The following MDGA2 variants were observed in gnomAD, a reference collection of about 807,000 sequenced individuals.
The protein encoded by MDGA2 is MAM domain containing glycosylphosphatidylinositol anchor 2.
A neutral mutation model predicts 117.8 loss-of-function variants in MDGA2; 40 were observed. The ratio of observed to expected loss-of-function variants is 0.34; its 90% CI spans 0.26 to 0.44. The LOEUF (loss-of-function observed/expected upper bound fraction) is 0.44, where lower values mean the gene tolerates loss of function less well. Ranked by LOEUF, MDGA2 falls within the 20% of genes least tolerant of loss-of-function variation. The probability of loss-of-function intolerance (pLI) is 1.00; values close to 1 mark genes in which losing one functional copy is unlikely to be tolerated. For synonymous variants in MDGA2, 452 were observed against 439.0 expected (o/e 1.03, Z -0.37); for missense variants, 1,123 against 1,250.6 (o/e 0.90, Z 1.54).
chr14:47,013,872 C>G (rs1296325651), intron 8 of MDGA2, among the ~76,000 whole-genome samples: 1 of 147,948 alleles, frequency 6.8e-6, no homozygotes, highest in Non-Finnish European at 1.5e-5. Flanking sequence ...TCTCAGCTCA[C>G]TGCACCTCCG....
chr14:47,598,252 GA>G (rs1364849247), intron 1 of MDGA2, among the ~76,000 whole-genome samples: 1 of 152,144 alleles, frequency 6.6e-6, no homozygotes, highest in Non-Finnish European at 1.5e-5. Context: ...AGCTGCTGTG[GA>G]AAACAGTCTG....
Position 46,957,686 on chromosome 14 carries a change from C to A in MDGA2, c.1820-43G>T, listed in dbSNP as rs1566545019. On this transcript the variant is annotated intron_variant, in intron 8 of 16. Transcript: ENST00000399232. ...AAAAACAGATGAAAGATGTGACTTG[C>A]AATAAGCCAAAAGCTACTCTTATTA... The A allele has an allele frequency of 4.4e-6, 7 of 1,605,880 alleles. No homozygotes were observed. The South Asian group carries it at 6.6e-5, about 15-fold the overall frequency.
intron 5 of MDGA2, among the ~76,000 whole-genome samples, chr14:47,110,760 T>C (rs1880993213): frequency 6.6e-6 from 1 of 152,204 alleles, no homozygotes; most frequent in Admixed American, 6.5e-5. Flanking sequence ...AGCAAGTTTT[T>C]ATCATGATTA....
chr14:47,593,824 A>T (rs1342889773), intron 1 of MDGA2, among the ~76,000 whole-genome samples: 1 of 152,150 alleles, frequency 6.6e-6, no homozygotes, highest in Non-Finnish European at 1.5e-5. Context: ...ACCATGGCAC[A>T]CGTTTACCTA....
chr14:47,125,244 T>C (rs980437717), intron 5 of MDGA2, among the ~76,000 whole-genome samples: 1 of 152,118 alleles, frequency 6.6e-6, no homozygotes, highest in South Asian at 2.1e-4. Flanking sequence ...TCTATGACCA[T>C]AGGTGTAGCA....
rs1422462883 is a variant in MDGA2, at chr14:46,855,112, A to G, written c.2795T>C (p.Ile932Thr). ...VYLRLKGQTT[I>T]ENPLWSSSGN... ...ACTTGAAGACCACAGTGGATTCTCT[A>G]TTGTTGTTTGCCCTTTCAAACGTAG... is the stretch of plus-strand genomic sequence containing the variant. Residue 932 changes from isoleucine (I) to threonine (T), a missense_variant, in exon 15 of 17, where the codon ATA becomes ACA. By Grantham distance (89) the Ile-to-Thr change is moderately conservative. Around this residue, in one of 2 missense-constraint regions of MDGA2, gnomAD observed 890 missense variants for 1,050.3 expected, o/e 0.85. Transcript: ENST00000399232. This position sits in a 1 kb window ranked among gnomAD's most constrained non-coding sequence, Gnocchi z 4.1. 2.5e-6 allele frequency: 4 copies of G among 1,610,870 alleles called. No individual in the cohort carries two copies. The highest frequency in any genetic ancestry group is 1.7e-5 in the Admixed American group (1 of 59,672).
At chr14:46,999,733 C>A (rs1488975413) in intron 8 of MDGA2, among the ~76,000 whole-genome samples, 1 of 152,044 alleles carries the variant, frequency 6.6e-6, no homozygotes, top group African/African-American at 2.4e-5. Context: ...ACTCCTCCAC[C>A]CCCTTTTCTC....
At chr14:47,482,923 A>C (rs866632353) in intron 1 of MDGA2, among the ~76,000 whole-genome samples, 1 of 151,178 alleles carries the variant, frequency 6.6e-6, no homozygotes, top group Non-Finnish European at 1.5e-5. Context: ...AAAAGAGAAA[A>C]GGAAGGAAAG....
chr14:47,431,016 T>C (rs1291963724), intron 1 of MDGA2, among the ~76,000 whole-genome samples: 1 of 152,192 alleles, frequency 6.6e-6, no homozygotes, highest in East Asian at 1.9e-4. Context: ...TTATAGTTTT[T>C]ATGTCATTAT....
At chr14:47,305,913 G>A (rs1054101667) in intron 1 of MDGA2, among the ~76,000 whole-genome samples, 5 of 152,222 alleles carry the variant, frequency 3.3e-5, no homozygotes, top group African/African-American at 1.2e-4. Flanking sequence ...CCTAAGTTTG[G>A]AGAGATGCTC....
At chr14:47,199,172 T>A (rs1885398834) in intron 3 of MDGA2, among the ~76,000 whole-genome samples, 2 of 151,758 alleles carry the variant, frequency 1.3e-5, no homozygotes, top group African/African-American at 4.8e-5. Context: ...TTAAAATAAA[T>A]CTCCTCCTCT....
Position 47,002,461 on chromosome 14 carries a change from C to T in MDGA2, c.1819+32550G>A, listed in dbSNP as rs545503136. ...AAAATTTTTAGGCCAGGCACAGTGG[C>T]TCACGCCTGTAATCCCAGCACTTTG... On this transcript the variant is annotated intron_variant, in intron 8 of 16. Coordinates refer to ENST00000399232, the MANE Select transcript of MDGA2 (RefSeq NM_001113498.3). Among the ~76,000 whole-genome samples, 13 of 152,156 alleles carry T rather than the reference C, an allele frequency of 8.5e-5. No individual in the cohort carries two copies. In the South Asian group the frequency reaches 2.3e-3, roughly 27 times the overall value.
At chr14:47,324,225 A>G (rs1297090468) in intron 1 of MDGA2, among the ~76,000 whole-genome samples, 4 of 152,106 alleles carry the variant, frequency 2.6e-5, no homozygotes, top group Admixed American at 2.0e-4. Flanking sequence ...AGCCTGGGTG[A>G]CAGAGTGAGA....
chr14:47,308,159 T>A (rs1889517069), intron 1 of MDGA2, among the ~76,000 whole-genome samples: 3 of 151,948 alleles, frequency 2.0e-5, no homozygotes, highest in Admixed American at 6.6e-5. Flanking sequence ...AGAATTGGAG[T>A]CAAAAGATGA....
At chr14:46,983,128 T>G (rs1203936147) in intron 8 of MDGA2, among the ~76,000 whole-genome samples, 1 of 152,052 alleles carries the variant, frequency 6.6e-6, no homozygotes, top group Non-Finnish European at 1.5e-5. Flanking sequence ...AAAAAACTGA[T>G]GCAAAAATAT....
At chr14:46,842,292 T>C (rs1041642338) in intron 16 of MDGA2, among the ~76,000 whole-genome samples, 1 of 152,144 alleles carries the variant, frequency 6.6e-6, no homozygotes, top group Non-Finnish European at 1.5e-5. Context: ...TCACATAGGT[T>C]TGTGGTTGAG....
chr14:47,606,452 T>C (rs907392323), intron 1 of MDGA2, among the ~76,000 whole-genome samples: 4 of 152,202 alleles, frequency 2.6e-5, no homozygotes, highest in Non-Finnish European at 5.9e-5. Context: ...TAAATATATA[T>C]TCTATATGTT....
chr14:46,898,886 T>A (rs1020249044), intron 10 of MDGA2, among the ~76,000 whole-genome samples: 2 of 151,934 alleles, frequency 1.3e-5, no homozygotes, highest in Non-Finnish European at 2.9e-5. Flanking sequence ...AAATATTAGC[T>A]TAGGATAAGC....
intron 1 of MDGA2, among the ~76,000 whole-genome samples, chr14:47,368,192 G>T (rs1891271881): frequency 6.6e-6 from 1 of 152,096 alleles, no homozygotes; most frequent in African/African-American, 2.4e-5. Flanking sequence ...TGAGGCAGGA[G>T]AATCGCTTGA....
Sources: allele counts gnomAD v4.1 joint callset (sites outside exome capture counted in the v4.1 genomes callset), GRCh38; gene constraint gnomAD v4.1.1; regional missense constraint gnomAD v4.1.1; non-coding constraint Gnocchi (gnomAD v3.1); transcripts MANE v1.5; gene names NCBI Gene and HGNC (gene_info 2026-07-23, HGNC 2026-07-21).